The following ALK variants were observed in gnomAD, a reference collection of about 807,000 sequenced individuals.
The protein encoded by ALK is ALK receptor tyrosine kinase, also known as ALK tyrosine kinase receptor.
Under a neutral mutation model 163.1 loss-of-function variants are expected in ALK, and 74 were observed. The ratio of observed to expected loss-of-function variants is 0.45; its 90% confidence interval spans 0.38 to 0.55. ALK has a LOEUF of 0.55. Ranked by LOEUF, ALK falls within the 20% of genes least tolerant of loss-of-function variation. ALK has a pLI of 0.00. For missense variants in ALK, 2,063 were observed against 2,105.3 expected (o/e 0.98, Z 0.39); for synonymous variants, 960 against 843.2 (o/e 1.14, Z -2.40).
chr2:29,728,562 A>G (rs1393200640), intron 1 of ALK, among the ~76,000 whole-genome samples: 1 of 152,164 alleles, frequency 6.6e-6, no homozygotes, highest in Non-Finnish European at 1.5e-5. Context: ...ACACAACCCT[A>G]TGAGAACGTA....
At chr2:29,749,032 G>C (rs753539866) in intron 1 of ALK, among the ~76,000 whole-genome samples, 41 of 152,138 alleles carry the variant, frequency 2.7e-4, no homozygotes, top group Non-Finnish European at 5.0e-4. Context: ...CATATCTCTT[G>C]AATGATCATA....
intron 1 of ALK, among the ~76,000 whole-genome samples, chr2:29,909,480 C>CAGAGAG (rs369360033): frequency 0.19 from 25,998 of 135,662 alleles, 2,808 homozygotes; most frequent in East Asian, 0.26. Context: ...GACAGACAGA[C>CAGAGAG]AGAGAGAGAG....
At position 29,531,999 on chromosome 2, in the gene ALK, G is replaced by C; in HGVS notation, c.1070C>G (p.Pro357Arg). 1 of 1,614,144 alleles carries C rather than the reference G, an allele frequency of 6.2e-7. No homozygotes were observed. Among genetic ancestry groups the C allele is most frequent in the Non-Finnish European group, 8.5e-7 (1 of 1,180,010 alleles). The change falls in exon 4 of 29, where the codon CCC (proline) becomes CGC (arginine). Residue 357 changes from proline to arginine, a missense_variant. Pro to Arg is a moderately radical substitution (Grantham distance 103). Transcript: ENST00000389048. The stretch of plus-strand genomic sequence containing the variant: ...CAGCTGGGCAATGTACCTTCCAGAG[G>C]GCTGCAGGTGCCTGTGCACCGAGAC... ...LAVSVHRHLQ[P>R]SGRYIAQLLP...
chr2:29,535,703 A>G (rs1673234216), intron 3 of ALK, among the ~76,000 whole-genome samples: 1 of 152,208 alleles, frequency 6.6e-6, no homozygotes, highest in African/African-American at 2.4e-5. Flanking sequence ...TAGCTCTGCT[A>G]CTACCAACCT....
intron 3 of ALK, among the ~76,000 whole-genome samples, chr2:29,538,248 T>C (rs923601928): frequency 6.6e-6 from 1 of 152,188 alleles, no homozygotes; most frequent in Admixed American, 6.5e-5. Flanking sequence ...AAATCTCACG[T>C]TGAAATGTGA....
intron 5 of ALK, among the ~76,000 whole-genome samples, chr2:29,382,626 T>G (rs1433248973): frequency 6.6e-6 from 1 of 152,222 alleles, no homozygotes; most frequent in East Asian, 1.9e-4. Context: ...ACATAGATCC[T>G]TGACATCTGT....
At chr2:29,680,201 G>A (rs1385803134) in intron 3 of ALK, among the ~76,000 whole-genome samples, 3 of 151,804 alleles carry the variant, frequency 2.0e-5, no homozygotes, top group Non-Finnish European at 2.9e-5. Flanking sequence ...TGAGGCACTT[G>A]GATGTGCAAA....
chr2:29,767,598 G>T (rs189637276), intron 1 of ALK, among the ~76,000 whole-genome samples: 143 of 152,316 alleles, frequency 9.4e-4, no homozygotes, highest in Middle Eastern at 3.4e-3. Flanking sequence ...ACAGTCATTA[G>T]GATGCGTGTA....
intron 1 of ALK, among the ~76,000 whole-genome samples, chr2:29,746,384 G>C (rs1041457612): frequency 6.6e-6 from 1 of 152,182 alleles, no homozygotes; most frequent in Non-Finnish European, 1.5e-5. Context: ...TTTGGACTAG[G>C]TCCATGCATG....
chr2:29,455,096 C>T (rs1670917636), intron 4 of ALK, among the ~76,000 whole-genome samples: 1 of 152,092 alleles, frequency 6.6e-6, no homozygotes, highest in African/African-American at 2.4e-5. Context: ...ACTTCTTCGC[C>T]CCATCTTTCA....
chr2:29,819,104 G>T (rs1260697740), intron 1 of ALK, among the ~76,000 whole-genome samples: 1 of 152,144 alleles, frequency 6.6e-6, no homozygotes, highest in Non-Finnish European at 1.5e-5. Context: ...CTCCAATCAG[G>T]ATCATCAGGG....
At chr2:29,219,247 C>T (rs564982018) in intron 23 of ALK, among the ~76,000 whole-genome samples, 1 of 152,304 alleles carries the variant, frequency 6.6e-6, no homozygotes, top group Admixed American at 6.5e-5. Context: ...CCCAGTCCTC[C>T]TGCCAGGTAT....
chr2:29,674,276 G>T (rs2148273175), intron 3 of ALK, among the ~76,000 whole-genome samples: 1 of 151,680 alleles, frequency 6.6e-6, no homozygotes, highest in African/African-American at 2.4e-5. Context: ...AATGCTTCCA[G>T]TTTTTGCCCA....
chr2:29,438,493 T>C (rs1670458552), intron 4 of ALK, among the ~76,000 whole-genome samples: 1 of 152,260 alleles, frequency 6.6e-6, no homozygotes, highest in African/African-American at 2.4e-5. Context: ...GAAGCATCAA[T>C]TTTAATCAAA....
intron 1 of ALK, among the ~76,000 whole-genome samples, chr2:29,767,923 G>T (rs1680908369): frequency 6.6e-6 from 1 of 152,254 alleles, no homozygotes; most frequent in Non-Finnish European, 1.5e-5. Flanking sequence ...GTCTGGGGAA[G>T]TCGTGATGAT....
chr2:29,785,284 G>A (rs1663978173), intron 1 of ALK, among the ~76,000 whole-genome samples: 2 of 152,140 alleles, frequency 1.3e-5, no homozygotes, highest in South Asian at 4.1e-4. Context: ...GAGTGGGGAG[G>A]TGGGAGCCAT....
At chr2:29,705,280 T>TATAA (rs1553349839) in intron 2 of ALK, among the ~76,000 whole-genome samples, 2 of 34,226 alleles carry the variant, frequency 5.8e-5, no homozygotes, top group South Asian at 9.1e-4. Context: ...TATATATATA[T>TATAA]AAATATATAT....
chr2:29,344,704 G>A (rs1232581711), intron 5 of ALK, among the ~76,000 whole-genome samples: 1 of 152,240 alleles, frequency 6.6e-6, no homozygotes, highest in African/African-American at 2.4e-5. Flanking sequence ...TAAAATGGTT[G>A]TTGTTTTTGC....
chr2:29,834,252 A>C (rs1446579853), intron 1 of ALK, among the ~76,000 whole-genome samples: 1 of 152,182 alleles, frequency 6.6e-6, no homozygotes, highest in Non-Finnish European at 1.5e-5. Context: ...AGCTCTAATC[A>C]CACAGTATGT....
Sources: allele counts gnomAD v4.1 joint callset (sites outside exome capture counted in the v4.1 genomes callset), GRCh38; gene constraint gnomAD v4.1.1; transcripts MANE v1.5; gene names NCBI Gene and HGNC (gene_info 2026-07-23, HGNC 2026-07-21).